Variants in KIAA1958 observed in about 807,000 individuals in gnomAD.
The protein encoded by KIAA1958 is KIAA1958, also known as uncharacterized protein KIAA1958.
A neutral mutation model predicts 47.2 loss-of-function variants in KIAA1958; 14 were observed. The observed-to-expected ratio is 0.30, with a 90% CI of 0.20 to 0.46. KIAA1958 has a LOEUF of 0.46. Ranked by LOEUF, KIAA1958 falls within the 20% of genes least tolerant of loss-of-function variation. The pLI is 1.00. For missense variants in KIAA1958, 803 were observed against 909.2 expected (o/e 0.88, Z 1.50); for synonymous variants, 354 against 353.3 (o/e 1.00, Z -0.02).
chr9:112,636,551 G>T (rs1053249393), intron 2 of KIAA1958, among the ~76,000 whole-genome samples: 10 of 151,966 alleles, frequency 6.6e-5, no homozygotes, highest in Admixed American at 2.0e-4. Context: ...ATGTCTATAG[G>T]CATTGTTATC....
At chr9:112,561,255 C>T (rs552416934) in intron 1 of KIAA1958, among the ~76,000 whole-genome samples, 5 of 152,014 alleles carry the variant, frequency 3.3e-5, no homozygotes, top group Admixed American at 6.6e-5. Flanking sequence ...GGGGTTTCAC[C>T]GTGTTAGCCA....
At chr9:112,532,683 A>G (rs973331340) in intron 1 of KIAA1958, among the ~76,000 whole-genome samples, 15 of 152,190 alleles carry the variant, frequency 9.9e-5, no homozygotes, top group Non-Finnish European at 2.2e-4. Context: ...GTCTCATTTC[A>G]TGGTGTTACT....
intron 1 of KIAA1958, among the ~76,000 whole-genome samples, chr9:112,525,694 C>T (rs1834626686): frequency 6.6e-6 from 1 of 152,008 alleles, no homozygotes; most frequent in African/African-American, 2.4e-5. Flanking sequence ...TTCTAGTCCT[C>T]ATAGAATTTC....
intron 2 of KIAA1958, among the ~76,000 whole-genome samples, chr9:112,636,090 G>A (rs892702172): frequency 1.4e-5 from 2 of 148,046 alleles, no homozygotes; most frequent in Admixed American, 1.3e-4. Context: ...TCTTTTACCA[G>A]AAAGAATTGT....
chr9:112,497,177 A>T (rs1834061887), intron 1 of KIAA1958, among the ~76,000 whole-genome samples: 1 of 152,178 alleles, frequency 6.6e-6, no homozygotes, highest in South Asian at 2.1e-4. Context: ...CAACCAGGAT[A>T]TTGACTATTT....
chr9:112,583,838 G>A (rs996240634), intron 2 of KIAA1958, among the ~76,000 whole-genome samples: 1 of 152,138 alleles, frequency 6.6e-6, no homozygotes, highest in Non-Finnish European at 1.5e-5. Context: ...CGAGGAGGGG[G>A]TAATGGAAAC....
intron 1 of KIAA1958, among the ~76,000 whole-genome samples, chr9:112,517,983 C>A (rs1436510957): frequency 6.6e-6 from 1 of 152,216 alleles, no homozygotes; most frequent in East Asian, 1.9e-4. Context: ...GGTACAGCTA[C>A]TTTGGCAAAC....
At chr9:112,541,659 T>G (rs1292758812) in intron 1 of KIAA1958, among the ~76,000 whole-genome samples, 1 of 151,478 alleles carries the variant, frequency 6.6e-6, no homozygotes, top group Non-Finnish European at 1.5e-5. Context: ...CAAGAAAAAA[T>G]AGTTGGGCAT....
chr9:112,609,047 G>GAAGCCAACAGAAGGAGGAGGATT (rs1836281789), intron 2 of KIAA1958, among the ~76,000 whole-genome samples: 1 of 152,192 alleles, frequency 6.6e-6, no homozygotes, highest in Admixed American at 6.5e-5. Context: ...TGCCTGAGAT[G>GAAGCCAACAGAAGGAGGAGGATT]AAGCCAACAG....
intron 2 of KIAA1958, among the ~76,000 whole-genome samples, chr9:112,578,664 A>G (rs1835689510): frequency 2.0e-5 from 3 of 152,160 alleles, no homozygotes. Context: ...TAATCAAGGT[A>G]TAGATAAAAT....
intron 2 of KIAA1958, among the ~76,000 whole-genome samples, chr9:112,614,705 C>T (rs1285010719): frequency 6.6e-6 from 1 of 152,094 alleles, no homozygotes; most frequent in Non-Finnish European, 1.5e-5. Flanking sequence ...GTTTTATTTT[C>T]CTGCAGATGG....
At chr9:112,550,107 G>A (rs921364108) in intron 1 of KIAA1958, among the ~76,000 whole-genome samples, 8 of 150,848 alleles carry the variant, frequency 5.3e-5, no homozygotes, top group Non-Finnish European at 1.2e-4. Context: ...GGTAAGCCTG[G>A]CAATGTTCAG....
chr9:112,585,267 A>G (rs1835803160), intron 2 of KIAA1958, among the ~76,000 whole-genome samples: 1 of 152,196 alleles, frequency 6.6e-6, no homozygotes, highest in African/African-American at 2.4e-5. Flanking sequence ...AGACAAACCA[A>G]CAACTTCAAC....
Position 112,486,864 on chromosome 9 carries a change from G to A in KIAA1958, c.-279G>A, listed in dbSNP as rs1833856700. On this transcript the variant is annotated 5_prime_UTR_variant, in exon 1 of 4. Coordinates refer to ENST00000337530, the MANE Select transcript of KIAA1958 (RefSeq NM_133465.4). ...CGCCGCGCTCCGAGCCGGGCGCGCG[G>A]AGCTCGGGGCGCACGGAGCGGCGCG... The A allele has an allele frequency of 7.0e-6, 1 of 142,038 alleles. No homozygotes were observed. The highest frequency in any genetic ancestry group is 2.2e-4 in the South Asian group (1 of 4,646). The allele number at this position is 142,038 out of a possible 1,614,324, so 8.8% of individuals were successfully genotyped here.
At chr9:112,577,172 CT>C (rs1460041397) in intron 2 of KIAA1958, among the ~76,000 whole-genome samples, 2 of 151,930 alleles carry the variant, frequency 1.3e-5, no homozygotes, top group Non-Finnish European at 2.9e-5. Flanking sequence ...CTACTCAAAT[CT>C]TTTGGCCATT....
rs1369835373 is a variant in KIAA1958, at chr9:112,666,408, A to G, written c.*6339A>G. The G allele has an allele frequency of 2.0e-5, 3 of 152,200 alleles. No homozygotes were observed. The highest frequency in any genetic ancestry group is 4.4e-5 in the Non-Finnish European group (3 of 68,046). The allele number at this position is 152,200 out of a possible 1,614,324, so 9.4% of individuals were successfully genotyped here. On this transcript the variant is annotated 3_prime_UTR_variant, in exon 4 of 4. Coordinates refer to ENST00000337530, the MANE Select transcript of KIAA1958 (RefSeq NM_133465.4). The stretch of plus-strand genomic sequence containing the variant: ...TAAGGCCAGAGATATTAAAGGGCCC[A>G]TCCAAGATCAGCCAAACAATAAGTA...
chr9:112,620,053 G>A (rs1229348942), intron 2 of KIAA1958, among the ~76,000 whole-genome samples: 1 of 152,128 alleles, frequency 6.6e-6, no homozygotes, highest in African/African-American at 2.4e-5. Flanking sequence ...TTGAAAATGT[G>A]CGAGATTTTT....
At chr9:112,487,838 G>C (rs1833890713) in intron 1 of KIAA1958, among the ~76,000 whole-genome samples, 1 of 131,782 alleles carries the variant, frequency 7.6e-6, no homozygotes, top group South Asian at 2.6e-4. Flanking sequence ...ATCAAAGAAT[G>C]TTTTTGGTTC....
intron 3 of KIAA1958, among the ~76,000 whole-genome samples, chr9:112,649,703 G>A (rs1449835141): frequency 6.6e-6 from 1 of 152,080 alleles, no homozygotes; most frequent in Non-Finnish European, 1.5e-5. Context: ...AAGGCAAGGG[G>A]CAATTTCTTT....
Sources: allele counts gnomAD v4.1 joint callset (sites outside exome capture counted in the v4.1 genomes callset), GRCh38; gene constraint gnomAD v4.1.1; transcripts MANE v1.5; gene names NCBI Gene and HGNC (gene_info 2026-07-23, HGNC 2026-07-21).